The following CSPP1 variants were observed in gnomAD, a reference collection of about 807,000 sequenced individuals.
The protein encoded by CSPP1 is centrosome and spindle pole-associated protein 1.
CSPP1 carries 126 observed loss-of-function variants against 164.4 expected under a neutral mutation model. The observed-to-expected ratio is 0.77, with a 90% CI of 0.66 to 0.89. CSPP1 has a LOEUF of 0.89. CSPP1 is among the 40% of genes least tolerant of loss of function. The pLI is 0.00. For missense variants in CSPP1, 1,395 were observed against 1,449.8 expected (o/e 0.96, Z 0.61); for synonymous variants, 472 against 476.7 (o/e 0.99, Z 0.13).
intron 20 of CSPP1, 87 bp downstream of exon 20, chr8:67,158,683 G>C (rs1827143574): frequency 6.9e-7 from 1 of 1,453,796 alleles, no homozygotes; most frequent in Non-Finnish European, 9.1e-7. Context: ...TTATAAAGGA[G>C]AACAGTGTTG....
intron 15 of CSPP1, among the ~76,000 whole-genome samples, chr8:67,123,316 CTTT>C (rs1055811451): frequency 1.2e-4 from 18 of 152,256 alleles, no homozygotes; most frequent in Admixed American, 7.8e-4. Context: ...AGATTTGACC[CTTT>C]TATTAGTGTC....
At position 67,115,981 on chromosome 8, in the gene CSPP1, C is replaced by T. The variant is rs1249465025; in HGVS notation, c.1355C>T (p.Pro452Leu). ...GAAGAGATGATACCACCTGAAAGACCCAGAATAGCTTTCCAGACACCTCTC... is the reference window on the plus strand; with the variant it reads ...GAAGAGATGATACCACCTGAAAGACTCAGAATAGCTTTCCAGACACCTCTC... Reference protein sequence around the residue: ...HFEEMIPPERPRIAFQTPLPP... With the variant: ...HFEEMIPPERLRIAFQTPLPP... Residue 452 changes from proline (P) to leucine (L), a missense_variant, in exon 13 of 31, where the codon CCC becomes CTC. By Grantham distance (98) the Pro-to-Leu change is moderately conservative (BLOSUM62 -3). Transcript: ENST00000678616. 3.1e-6 allele frequency: 5 copies of T among 1,613,734 alleles called. No homozygotes were observed. In the Admixed American group the frequency reaches 8.3e-5, roughly 27 times the overall value.
intron 15 of CSPP1, among the ~76,000 whole-genome samples, chr8:67,119,677 A>G (rs2129551642): frequency 6.6e-6 from 1 of 152,188 alleles, no homozygotes; most frequent in South Asian, 2.1e-4. Flanking sequence ...CTTCTTGGCC[A>G]TTTGTATATC....
chr8:67,102,735 A>T (rs1196619807), intron 7 of CSPP1, among the ~76,000 whole-genome samples: 1 of 152,234 alleles, frequency 6.6e-6, no homozygotes, highest in East Asian at 1.9e-4. Flanking sequence ...TCAGTTATTC[A>T]CTTTTAAATT....
chr8:67,192,026 T>C (rs1399391324), intron 29 of CSPP1, among the ~76,000 whole-genome samples: 1 of 152,144 alleles, frequency 6.6e-6, no homozygotes, highest in Admixed American at 6.5e-5. Context: ...AGTTGTATAT[T>C]TTCTTAGGAG....
rs775257442 is a variant in CSPP1, at chr8:67,163,741, A to G, written c.2653A>G (p.Met885Val). 2.5e-6 allele frequency: 4 copies of G among 1,612,882 alleles called. No homozygotes were observed. The African/African-American group carries it at 5.3e-5, about 22-fold the overall frequency. Residue 885 changes from methionine to valine, a missense_variant, in exon 23 of 31, where the codon ATG becomes GTG. By Grantham distance (21) the Met-to-Val change is conservative (BLOSUM62 1). Transcript: ENST00000678616. ...IIRSFIHESS[M>V]SRAQSPPVPA... is the part of the protein sequence containing the mutation. ...CATTATTGTTGAACAGGAAAGTTCC[A>G]TGTCCAGGGCACAGTCACCCCCGGT...
chr8:67,164,261 T>C, intron 23 of CSPP1, 130 bp from the exon 24 acceptor site: 2 of 580,158 alleles, frequency 3.4e-6, no homozygotes, highest in Middle Eastern at 8.6e-4. Context: ...ATATATAAAA[T>C]GTTAAAATAT....
At chr8:67,090,249 TAGCACAACTCATTTGTAA>T (rs1811332009) in intron 4 of CSPP1, among the ~76,000 whole-genome samples, 1 of 152,212 alleles carries the variant, frequency 6.6e-6, no homozygotes, top group Non-Finnish European at 1.5e-5. Flanking sequence ...TTAGCTTTTG[TAGCACAACTCATTTGTAA>T]ATTCAGATTT....
At position 67,098,519 on chromosome 8, in the gene CSPP1, T is replaced by C. The variant is rs149115877; in HGVS notation, c.923+2787T>C. ...TCCTAAACTCATATCATGAAATCAC[T>C]GACAGCATTCTTAATTAACAAGGTG... On this transcript the variant is annotated intron_variant, in intron 7 of 30. Coordinates refer to ENST00000678616, the MANE Select transcript of CSPP1 (RefSeq NM_001382391.1). Among the ~76,000 whole-genome samples the C allele has an allele frequency of 1.9e-3, 296 of 152,076 alleles. 3 individuals are homozygous for C. Among genetic ancestry groups the C allele is most frequent in the African/African-American group, 6.3e-3 (260 of 41,560 alleles).
At chr8:67,123,827 G>A (rs1563618807) in intron 15 of CSPP1, among the ~76,000 whole-genome samples, 1 of 151,038 alleles carries the variant, frequency 6.6e-6, no homozygotes, top group Non-Finnish European at 1.5e-5. Context: ...TTCCCAGGCT[G>A]GTCTCAAACT....
chr8:67,079,188 T>A (rs1331852330), intron 3 of CSPP1, among the ~76,000 whole-genome samples: 1 of 152,196 alleles, frequency 6.6e-6, no homozygotes, highest in Non-Finnish European at 1.5e-5. Context: ...ACTGTTAGTG[T>A]GTTCATGACT....
intron 28 of CSPP1, among the ~76,000 whole-genome samples, 178 bp downstream of exon 28, chr8:67,180,104 TG>T (rs1489001570): frequency 1.3e-5 from 2 of 152,108 alleles, no homozygotes; most frequent in African/African-American, 4.8e-5. Flanking sequence ...ATTACTGAAA[TG>T]AACTTTAAAA....
At position 67,177,684 on chromosome 8, in the gene CSPP1, C is replaced by G; in HGVS notation, c.3114C>G (p.Asp1038Glu). The G allele has an allele frequency of 6.2e-7, 1 of 1,609,578 alleles. No homozygotes were observed. The highest frequency in any genetic ancestry group is 1.1e-5 in the South Asian group (1 of 90,732). ...RIKMQEGAKVDLDAIPSAKVR... is the reference protein window; with the variant it reads ...RIKMQEGAKVELDAIPSAKVR... ...TTTGTTCTCCATTGACTACAGTTGA[C>G]TTAGATGCCATCCCAAGTGCTAAAG... Residue 1038 changes from aspartate to glutamate, a missense_variant, in exon 27 of 31, where the codon GAC (aspartate) becomes GAG (glutamate). Coordinates refer to ENST00000678616, the MANE Select transcript of CSPP1 (RefSeq NM_001382391.1).
chr8:67,067,853 CTT>C (rs1238441914), intron 1 of CSPP1, among the ~76,000 whole-genome samples: 35 of 136,960 alleles, frequency 2.6e-4, no homozygotes, highest in Admixed American at 3.6e-4. Context: ...CTGTTGATTT[CTT>C]TTTTTTTTTT....
intron 27 of CSPP1, 35 bp downstream of exon 27, chr8:67,177,761 T>C (rs1421789461): frequency 6.7e-7 from 1 of 1,499,062 alleles, no homozygotes; most frequent in Non-Finnish European, 9.3e-7. Flanking sequence ...AAGTTAGTTT[T>C]TGGGGGATTA....
Position 67,085,600 on chromosome 8 carries a change from G to C in CSPP1, c.200-407G>C, listed in dbSNP as rs192501013. 1.5e-3 allele frequency among the ~76,000 whole-genome samples: 225 copies of C among 152,132 alleles called. 1 individual carries two copies. Among genetic ancestry groups the C allele is most frequent in the African/African-American group, 5.3e-3 (219 of 41,548 alleles). ...TAATTAGTTTTTCTTTAATTTTGCT[G>C]TTCTTGAGAAAGCAAGATGCCAAAC... On this transcript the variant is annotated intron_variant, in intron 3 of 30. Transcript: ENST00000678616.
intron 8 of CSPP1, 86 bp from the exon 9 acceptor site, chr8:67,105,819 C>T (rs1369645512): frequency 1.4e-6 from 1 of 738,010 alleles, no homozygotes; most frequent in Non-Finnish European, 2.4e-6. Flanking sequence ...GCTAATAATT[C>T]ATAGCTACAT....
At chr8:67,137,243 G>C (rs1204873716) in intron 16 of CSPP1, among the ~76,000 whole-genome samples, 4 of 151,826 alleles carry the variant, frequency 2.6e-5, no homozygotes, top group Non-Finnish European at 5.9e-5. Flanking sequence ...GGCCTCCATA[G>C]GCATGAGCCA....
At chr8:67,143,997 C>G (rs1824007595) in intron 17 of CSPP1, among the ~76,000 whole-genome samples, 1 of 152,198 alleles carries the variant, frequency 6.6e-6, no homozygotes, top group Admixed American at 6.5e-5. Context: ...TTCATGAGCG[C>G]AGACATCCTT....
Sources: gnomAD v4.1 joint callset for allele counts (sites outside exome capture counted in the v4.1 genomes callset) on GRCh38, gnomAD v4.1.1 for gene constraint, MANE v1.5 for transcripts, NCBI Gene and HGNC (gene_info 2026-07-23, HGNC 2026-07-21) for gene names.